Variants in ADAMTSL1 observed in about 807,000 individuals in gnomAD.
The protein encoded by ADAMTSL1 is ADAMTS like 1.
Under a neutral mutation model 201.8 loss-of-function variants are expected in ADAMTSL1, and 126 were observed. The observed-to-expected ratio is 0.62, with a 90% CI of 0.54 to 0.72. ADAMTSL1 has a LOEUF of 0.72. Among genes scored for constraint, ADAMTSL1 ranks in the 30% least tolerant of loss-of-function variants. ADAMTSL1 has a pLI of 0.00. For synonymous variants in ADAMTSL1, 1,121 were observed against 903.4 expected (o/e 1.24, Z -4.32); for missense variants, 2,679 against 2,277.8 (o/e 1.18, Z -3.59).
At position 18,146,651 on chromosome 9, in the gene ADAMTSL1, A is replaced by C. The variant is rs75987860; in HGVS notation, c.88-17211A>C. On this transcript the variant is annotated intron_variant, in intron 1 of 29. Coordinates refer to the ADAMTSL1 transcript ENST00000680146. ...TAATGGCAGATACATTACACTAAGCAACACTTTTTTGTTAACACAGGCTAT... is the reference window on the plus strand; with the variant it reads ...TAATGGCAGATACATTACACTAAGCCACACTTTTTTGTTAACACAGGCTAT... Among the ~76,000 whole-genome samples the C allele has an allele frequency of 5.6e-3, 849 of 152,224 alleles. 13 individuals are homozygous for C. The highest frequency in any genetic ancestry group is 0.019 in the African/African-American group (797 of 41,542).
chr9:18,085,135 T>C (rs1028076123), intron 1 of ADAMTSL1, among the ~76,000 whole-genome samples: 3 of 151,890 alleles, frequency 2.0e-5, no homozygotes, highest in African/African-American at 7.3e-5. Context: ...ACATGGAAAT[T>C]AATAGGGAAT....
chr9:18,175,374 C>G (rs1828094514), intron 2 of ADAMTSL1, among the ~76,000 whole-genome samples: 1 of 152,196 alleles, frequency 6.6e-6, no homozygotes, highest in Non-Finnish European at 1.5e-5. Context: ...AGACACTGTG[C>G]ATTTATCAAT....
chr9:18,728,857 T>C (rs1225017970), intron 15 of ADAMTSL1, among the ~76,000 whole-genome samples: 1 of 152,210 alleles, frequency 6.6e-6, no homozygotes, highest in African/African-American at 2.4e-5. Context: ...TTATGTCCTA[T>C]GGGCACTGAA....
In ADAMTSL1 at chr9:18,802,057, G is replaced by A. The variant is rs559953568; in HGVS notation, c.3805+6533G>A. 7.2e-5 allele frequency among the ~76,000 whole-genome samples: 11 copies of A among 152,130 alleles called. No homozygotes were observed. In the South Asian group the frequency reaches 1.2e-3, roughly 17 times the overall value. On this transcript the variant is annotated intron_variant, in intron 20 of 28. Coordinates refer to ENST00000380548, the MANE Select transcript of ADAMTSL1 (RefSeq NM_001040272.6). ...TTTGGGAGCCTGAGGTGGAAGAATC[G>A]CTTGATCCCCAGGAATTCAAGACCA... is the stretch of plus-strand genomic sequence containing the variant.
At chr9:18,010,698 C>A (rs1820015276) in intron 1 of ADAMTSL1, among the ~76,000 whole-genome samples, 1 of 151,914 alleles carries the variant, frequency 6.6e-6, no homozygotes, top group Non-Finnish European at 1.5e-5. Context: ...CTAGCTAAGC[C>A]AAATAGGACA....
intron 2 of ADAMTSL1, among the ~76,000 whole-genome samples, chr9:18,211,138 T>C (rs1829856321): frequency 6.6e-6 from 1 of 152,138 alleles, no homozygotes; most frequent in African/African-American, 2.4e-5. Flanking sequence ...CACTCCTAAT[T>C]TATTTTCTAT....
chr9:18,467,489 T>G (rs1768329827), intron 2 of ADAMTSL1, among the ~76,000 whole-genome samples: 1 of 152,150 alleles, frequency 6.6e-6, no homozygotes, highest in Non-Finnish European at 1.5e-5. Flanking sequence ...AAGACTTTTT[T>G]CCAATAAAAG....
intron 4 of ADAMTSL1, among the ~76,000 whole-genome samples, chr9:18,597,410 C>T (rs1308386560): frequency 6.6e-6 from 1 of 152,160 alleles, no homozygotes; most frequent in Non-Finnish European, 1.5e-5. Context: ...TTTCAACTCT[C>T]TCTATTATTA....
At chr9:18,303,277 G>C (rs1833774303) in intron 2 of ADAMTSL1, among the ~76,000 whole-genome samples, 1 of 152,188 alleles carries the variant, frequency 6.6e-6, no homozygotes, top group South Asian at 2.1e-4. Flanking sequence ...TGAATGTCCT[G>C]CCTCAAGTTG....
chr9:18,849,804 G>T (rs1365739896), intron 23 of ADAMTSL1, among the ~76,000 whole-genome samples: 2 of 152,078 alleles, frequency 1.3e-5, no homozygotes, highest in East Asian at 1.9e-4. Flanking sequence ...TAAGAAGAAA[G>T]GTCAGCATTT....
chr9:18,081,030 A>G (rs1823478167), intron 1 of ADAMTSL1, among the ~76,000 whole-genome samples: 1 of 152,238 alleles, frequency 6.6e-6, no homozygotes, highest in Admixed American at 6.5e-5. Flanking sequence ...AAACATTTCT[A>G]GTTGTACCTT....
chr9:18,515,224 C>A (rs1395186035), intron 2 of ADAMTSL1, among the ~76,000 whole-genome samples: 1 of 152,110 alleles, frequency 6.6e-6, no homozygotes, highest in Non-Finnish European at 1.5e-5. Flanking sequence ...AGTGTGTATC[C>A]AGAGTTTAAA....
At chr9:18,737,445 C>A (rs1256098641) in intron 15 of ADAMTSL1, among the ~76,000 whole-genome samples, 1 of 151,616 alleles carries the variant, frequency 6.6e-6, no homozygotes, top group Non-Finnish European at 1.5e-5. Context: ...CTTCAAGAGG[C>A]CTTGGGATTC....
At chr9:18,300,150 A>C (rs1170557724) in intron 2 of ADAMTSL1, among the ~76,000 whole-genome samples, 4 of 152,234 alleles carry the variant, frequency 2.6e-5, no homozygotes, top group Admixed American at 6.5e-5. Context: ...TGCTATAAAG[A>C]CACATGCACA....
At chr9:18,534,812 G>T (rs1819656750) in intron 3 of ADAMTSL1, among the ~76,000 whole-genome samples, 1 of 152,230 alleles carries the variant, frequency 6.6e-6, no homozygotes, top group Admixed American at 6.5e-5. Context: ...GCAATGGCCT[G>T]AGCTGTACCT....
At chr9:18,590,252 T>C (rs1197594767) in intron 4 of ADAMTSL1, among the ~76,000 whole-genome samples, 1 of 151,984 alleles carries the variant, frequency 6.6e-6, no homozygotes, top group Non-Finnish European at 1.5e-5. Flanking sequence ...TCCTGATATG[T>C]TGAATGTGTC....
intron 2 of ADAMTSL1, among the ~76,000 whole-genome samples, chr9:18,258,236 A>G (rs996261374): frequency 1.3e-5 from 2 of 152,250 alleles, no homozygotes; most frequent in African/African-American, 4.8e-5. Flanking sequence ...CCAGTAATAA[A>G]AGAACAACCA....
At chr9:18,559,358 T>G (rs1352389999) in intron 3 of ADAMTSL1, among the ~76,000 whole-genome samples, 1 of 152,188 alleles carries the variant, frequency 6.6e-6, no homozygotes, top group African/African-American at 2.4e-5. Context: ...TCAGTTCCAT[T>G]GGTCTATATA....
At chr9:18,835,750 A>G (rs1454259113) in intron 23 of ADAMTSL1, among the ~76,000 whole-genome samples, 4 of 152,146 alleles carry the variant, frequency 2.6e-5, no homozygotes, top group Non-Finnish European at 5.9e-5. Flanking sequence ...AAGTGAGAAC[A>G]TGTGGTATTT....
Sources: allele counts gnomAD v4.1 joint callset (sites outside exome capture counted in the v4.1 genomes callset), GRCh38; gene constraint gnomAD v4.1.1; transcripts MANE v1.5; gene names NCBI Gene and HGNC (gene_info 2026-07-23, HGNC 2026-07-21).